The following SAMSN1 variants were observed in gnomAD, a reference collection of about 807,000 sequenced individuals.
SAMSN1 encodes SAM domain, SH3 domain and nuclear localization signals 1.
In SAMSN1, 31 loss-of-function variants were observed where a neutral mutation model predicts 42.0. The ratio of observed to expected loss-of-function variants is 0.74; its 90% CI spans 0.55 to 1.00. SAMSN1 has a LOEUF of 1.00. SAMSN1 is among the 50% of genes least tolerant of loss of function. SAMSN1 has a pLI of 0.00. For missense variants in SAMSN1, 464 were observed against 439.4 expected (o/e 1.06, Z -0.50); for synonymous variants, 178 against 151.9 (o/e 1.17, Z -1.26).
intron 2 of SAMSN1, among the ~76,000 whole-genome samples, chr21:14,570,672 G>A (rs1278740447): frequency 6.6e-6 from 1 of 152,144 alleles, no homozygotes; most frequent in African/African-American, 2.4e-5. Flanking sequence ...ATGAGCCTGA[G>A]AGCTTTTCAT....
intron 1 of SAMSN1, among the ~76,000 whole-genome samples, chr21:14,532,189 C>A (rs959009510): frequency 6.6e-6 from 1 of 152,096 alleles, no homozygotes; most frequent in Non-Finnish European, 1.5e-5. Context: ...CAAGGGGAAC[C>A]TTTTTAGAAA....
intron 1 of SAMSN1, among the ~76,000 whole-genome samples, chr21:14,533,093 T>A (rs1979371102): frequency 6.6e-6 from 1 of 152,006 alleles, no homozygotes; most frequent in South Asian, 2.1e-4. Context: ...TTATTTTTTT[T>A]ATTTTTTGTA....
In SAMSN1 at chr21:14,485,567, G is replaced by A; in HGVS notation, c.*345C>T. ...CAATAACATATATAAATTCAAAACT[G>A]GCAGGTATGAAAAAAGGTTACTTTG... On this transcript the variant is annotated 3_prime_UTR_variant, in exon 8 of 8. Transcript: ENST00000400566. 5.7e-6 allele frequency: 1 copy of A among 175,254 alleles called. No individual in the cohort carries two copies. Among genetic ancestry groups the A allele is most frequent in the South Asian group, 1.3e-4 (1 of 7,960 alleles). 10.9% of individuals were successfully genotyped at this position (175,254 alleles called of 1,614,324 possible). A position where few individuals can be genotyped will look rare whatever the true frequency, so the allele number is the denominator to read the frequency against.
chr21:14,570,963 A>G (rs1375599082), intron 2 of SAMSN1, among the ~76,000 whole-genome samples: 1 of 151,960 alleles, frequency 6.6e-6, no homozygotes, highest in Non-Finnish European at 1.5e-5. Context: ...CTTATCCCAC[A>G]TCTCCGTGTT....
At chr21:14,591,797 T>C (rs759121087) in intron 7 of SAMSN1, 2 of 152,142 alleles carry the variant, frequency 1.3e-5, no homozygotes, top group African/African-American at 2.4e-5. Flanking sequence ...AGTCCTAACA[T>C]GATATTCTAG....
At chr21:14,622,397 C>G (rs1983037964) in intron 2 of SAMSN1, among the ~76,000 whole-genome samples, 1 of 152,206 alleles carries the variant, frequency 6.6e-6, no homozygotes, top group Admixed American at 6.5e-5. Flanking sequence ...GAATGGCTAA[C>G]TAGAATAACC....
At chr21:14,565,286 CAAA>C (rs71330076) in intron 2 of SAMSN1, among the ~76,000 whole-genome samples, 3 of 109,592 alleles carry the variant, frequency 2.7e-5, no homozygotes, top group African/African-American at 6.9e-5. Context: ...AGACTCTATC[CAAA>C]AAAAAAAAAA....
chr21:14,547,864 T>A (rs2822762), upstream of SAMSN1, among the ~76,000 whole-genome samples: 96,143 of 152,098 alleles, frequency 0.63, 33,089 homozygotes, highest in African/African-American at 0.9. Context: ...ATACTTTTCA[T>A]GATTATGGTT....
chr21:14,582,243 G>C (rs867060362), exon 2 of SAMSN1: 1 of 1,550,772 alleles, frequency 6.4e-7, no homozygotes, highest in Non-Finnish European at 8.7e-7. Context: ...TGGAAATCAA[G>C]ACATGTCCAG....
chr21:14,641,012 TGTGTGAG>T (rs1983584474), intron 2 of SAMSN1, among the ~76,000 whole-genome samples: 1 of 9,462 alleles, frequency 1.1e-4, no homozygotes, highest in Admixed American at 2.0e-3. Flanking sequence ...TTTACTTAAA[TGTGTGAG>T]ACATTTAAAA....
At chr21:14,587,748 T>C (rs929523157), upstream of SAMSN1, among the ~76,000 whole-genome samples, 1 of 151,382 alleles carries the variant, frequency 6.6e-6, no homozygotes, top group African/African-American at 2.4e-5. Context: ...CATCACCTTA[T>C]TTATTTATTT....
At chr21:14,577,436 A>G (rs901914624) in intron 2 of SAMSN1, among the ~76,000 whole-genome samples, 2 of 150,812 alleles carry the variant, frequency 1.3e-5, no homozygotes, top group Non-Finnish European at 3.0e-5. Flanking sequence ...TTATAAAAAT[A>G]ATTTGTTTAT....
chr21:14,609,873 A>C (rs770329460), intron 4 of SAMSN1, among the ~76,000 whole-genome samples: 8 of 152,182 alleles, frequency 5.3e-5, no homozygotes, highest in Non-Finnish European at 1.0e-4. Flanking sequence ...ATAAATTGTG[A>C]AGATTTCATA....
chr21:14,597,525 C>G (rs757485067), intron 6 of SAMSN1, among the ~76,000 whole-genome samples: 1 of 152,152 alleles, frequency 6.6e-6, no homozygotes, highest in Non-Finnish European at 1.5e-5. Flanking sequence ...AGTCTAGACA[C>G]TGTTTAACTG....
chr21:14,575,993 A>G (rs1294172265), intron 2 of SAMSN1, among the ~76,000 whole-genome samples: 2 of 152,234 alleles, frequency 1.3e-5, no homozygotes, highest in African/African-American at 4.8e-5. Flanking sequence ...AAAGGCCAAA[A>G]TGAGGAAATA....
intron 2 of SAMSN1, among the ~76,000 whole-genome samples, chr21:14,566,355 A>G (rs1981116442): frequency 6.6e-6 from 1 of 152,176 alleles, no homozygotes; most frequent in Non-Finnish European, 1.5e-5. Flanking sequence ...GTTACCATTT[A>G]ACACCAGTGA....
intron 2 of SAMSN1, among the ~76,000 whole-genome samples, chr21:14,580,236 A>T (rs763129551): frequency 3.3e-5 from 5 of 152,224 alleles, no homozygotes; most frequent in Non-Finnish European, 7.4e-5. Context: ...TAGGAATAGC[A>T]AATCATTCAG....
intron 1 of SAMSN1, among the ~76,000 whole-genome samples, chr21:14,545,143 C>A (rs1352166621): frequency 6.6e-6 from 1 of 152,086 alleles, no homozygotes. Context: ...TATTCAAAAT[C>A]ATTTATTCTC....
chr21:14,655,039 G>C lies in SAMSN1; in HGVS notation c.24+3709C>G, dbSNP rs866801412. Among the ~76,000 whole-genome samples, 32 of 151,736 alleles carry C rather than the reference G, an allele frequency of 2.1e-4. No homozygotes were observed. The South Asian group carries it at 3.7e-3, about 18-fold the overall frequency. On this transcript the variant is annotated intron_variant, in intron 1 of 15. Coordinates refer to the SAMSN1 transcript ENST00000647101. The stretch of plus-strand genomic sequence containing the variant: ...ACAGATGGAGAGATAATTTAAGAAA[G>C]AATATATATAATCTCCAAAGAGCTA...
Sources: gnomAD v4.1 joint callset for allele counts (sites outside exome capture counted in the v4.1 genomes callset) on GRCh38, gnomAD v4.1.1 for gene constraint, MANE v1.5 for transcripts, NCBI Gene and HGNC (gene_info 2026-07-23, HGNC 2026-07-21) for gene names.